TGOLN2: variants seen among roughly 807,000 people sequenced by gnomAD.
TGOLN2 encodes the protein trans-golgi network protein 2.
TGOLN2 carries 19 observed loss-of-function variants against 31.3 expected under a neutral mutation model. The ratio of observed to expected loss-of-function variants is 0.61; its 90% confidence interval spans 0.42 to 0.89. The LOEUF is 0.89. TGOLN2 is among the 40% of genes least tolerant of loss of function. TGOLN2 has a pLI of 0.00. For synonymous variants in TGOLN2, 222 were observed against 226.7 expected (o/e 0.98, Z 0.19); for missense variants, 540 against 559.2 (o/e 0.97, Z 0.35).
chr2:85,324,561 G>C (rs1013074698), intron 3 of TGOLN2: 3 of 405,276 alleles, frequency 7.4e-6, no homozygotes, highest in African/African-American at 6.1e-5. Context: ...AGAAAGCTCA[G>C]GACTGGGAGA....
At chr2:85,323,662 C>T (rs763826162) in intron 3 of TGOLN2, among the ~76,000 whole-genome samples, 1 of 152,244 alleles carries the variant, frequency 6.6e-6, no homozygotes, top group Non-Finnish European at 1.5e-5. Context: ...AGCTAGCCTA[C>T]TGGACTAGTT....
Position 85,326,866 on chromosome 2 carries a change from A to T in TGOLN2, c.866T>A (p.Leu289His). The part of the protein sequence containing the change: ...DTNQLADKGK[L>H]SPHAFKTESG... ...TTCGGTTTTGAAAGCATGAGGAGAA[A>T]GCTTCCCTTTGTCAGCAAGCTGGTT... Residue 289 changes from leucine to histidine, a missense_variant, in exon 2 of 4, where the codon CTT (leucine) becomes CAT (histidine). Physicochemically the swap from Leu to His is moderately conservative, Grantham distance 99. Transcript: ENST00000377386. 4 of 1,614,020 alleles carry T rather than the reference A, an allele frequency of 2.5e-6. No homozygotes were observed. The highest frequency in any genetic ancestry group is 3.4e-6 in the Non-Finnish European group (4 of 1,179,896).
chr2:85,326,882 C>T lies in TGOLN2; in HGVS notation c.850G>A (p.Ala284Thr). The T allele has an allele frequency of 6.2e-7, 1 of 1,614,044 alleles. No homozygotes were observed. Among genetic ancestry groups the T allele is most frequent in the South Asian group, 1.1e-5 (1 of 91,090 alleles). The change falls in exon 2 of 4, where the codon GCT becomes ACT. Residue 284 changes from alanine (A) to threonine (T), a missense_variant. Coordinates refer to ENST00000377386, the MANE Select transcript of TGOLN2 (RefSeq NM_006464.4). ...TGAGGAGAAAGCTTCCCTTTGTCAG[C>T]AAGCTGGTTTGTGTCAGCCTTGGGG... ...ELPKADTNQL[A>T]DKGKLSPHAF...
intron 2 of TGOLN2, among the ~76,000 whole-genome samples, chr2:85,325,409 CTTT>C (rs1682696247): frequency 6.6e-6 from 1 of 152,178 alleles, no homozygotes; most frequent in Admixed American, 6.5e-5. Context: ...CAACTACATT[CTTT>C]ATCAATCTCA....
Position 85,327,670 on chromosome 2 carries a change from A to G in TGOLN2, c.62T>C (p.Leu21Ser). 6.2e-7 allele frequency: 1 copy of G among 1,612,282 alleles called. No homozygotes were observed. Residue 21 changes from leucine (L) to serine (S), a missense_variant, in exon 2 of 4, where the codon TTG becomes TCG. By Grantham distance (145) the Leu-to-Ser change is moderately radical. Transcript: ENST00000377386. ...TTCTTGCTTGACGCTTTCGGTGGCC[A>G]AGAGCGGCACGGCTCCTGAAATAGA... ...NVAAAGAVPL[L>S]ATESVKQEEA...
At position 85,321,134 on chromosome 2, in the gene TGOLN2, A is replaced by C. The variant is rs1043904909; in HGVS notation, c.*1602T>G. 8 of 152,496 alleles carry C rather than the reference A, an allele frequency of 5.2e-5. No homozygotes were observed. Among genetic ancestry groups the C allele is most frequent in the African/African-American group, 1.7e-4 (7 of 41,448 alleles). The allele number at this position is 152,496 out of a possible 1,614,324, so 9.4% of individuals were successfully genotyped here. On this transcript the variant is annotated 3_prime_UTR_variant, in exon 4 of 4. Transcript: ENST00000377386. ...GAGGAGGGGAAAGGAAGGGAAAAGGAAGGCAGGCAGGGAGAGAGACGTGAA... is the reference window on the plus strand; with the variant it reads ...GAGGAGGGGAAAGGAAGGGAAAAGGCAGGCAGGCAGGGAGAGAGACGTGAA...
At position 85,327,233 on chromosome 2, in the gene TGOLN2, T is replaced by G. The variant is rs761439543; in HGVS notation, c.499A>C (p.Lys167Gln). Residue 167 changes from lysine (K) to glutamine (Q), a missense_variant, in exon 2 of 4, where the codon AAG (lysine) becomes CAG (glutamine). Physicochemically the swap from Lys to Gln is moderately conservative, Grantham distance 53. Transcript: ENST00000377386. ...EAKTQKDSPS[K>Q]SGSEAQTTKD... is the part of the protein sequence containing the mutation. The stretch of plus-strand genomic sequence containing the variant: ...GTGGTCTGCGCCTCCGAACCTGACT[T>G]GCTAGGGCTGTCTTTTTGGGTCTTT... The G allele has an allele frequency of 6.2e-7, 1 of 1,613,752 alleles. No individual in the cohort carries two copies. The highest frequency in any genetic ancestry group is 8.5e-7 in the Non-Finnish European group (1 of 1,179,820).
rs1682454528 is a variant in TGOLN2 at position 85,318,836 on chromosome 2, G to GA, written c.*3899dup. Reference sequence around the variant, plus strand: ...TGGCCTTCAACTTCCCCTGAGTCCAGAAGTAGACTCTTTCAGCAACTCTAT... The same window carrying GA: ...TGGCCTTCAACTTCCCCTGAGTCCAGAAAGTAGACTCTTTCAGCAACTCTAT... On this transcript the variant is annotated 3_prime_UTR_variant, in exon 4 of 4. Coordinates refer to ENST00000377386, the MANE Select transcript of TGOLN2 (RefSeq NM_006464.4). 6.6e-6 allele frequency: 1 copy of GA among 152,170 alleles called. No homozygotes were observed. Among genetic ancestry groups the GA allele is most frequent in the East Asian group, 1.9e-4 (1 of 5,190 alleles). 9.4% of individuals were successfully genotyped at this position (152,170 alleles called of 1,614,324 possible). A position where few individuals can be genotyped will look rare whatever the true frequency, so the allele number is the denominator to read the frequency against.
chr2:85,324,598 T>A, intron 3 of TGOLN2: 1 of 443,790 alleles, frequency 2.3e-6, no homozygotes, highest in Non-Finnish European at 4.0e-6. Context: ...AGGTCCTGAG[T>A]TTGCCACTAA....
Position 85,327,357 on chromosome 2 carries a change from C to T in TGOLN2, c.375G>A (p.Lys125=). 1 of 1,612,174 alleles carries T rather than the reference C, an allele frequency of 6.2e-7. No homozygotes were observed. The highest frequency in any genetic ancestry group is 1.7e-4 in the Middle Eastern group (1 of 6,058). ...TTGGAGTCTGCAGCTCCGGATGCGACTTACTAGTGCTGTCTTTTGTGGTCT... is the reference window on the plus strand; with the variant it reads ...TTGGAGTCTGCAGCTCCGGATGCGATTTACTAGTGCTGTCTTTTGTGGTCT... The part of the protein sequence containing the change: ...EAQTTKDSTS[K]SHPELQTPKD... The change falls in exon 2 of 4, where the codon AAG becomes AAA. Residue 125 remains lysine, a synonymous_variant. Transcript: ENST00000377386.
Position 85,320,079 on chromosome 2 carries a change from A to C in TGOLN2, c.*2657T>G, listed in dbSNP as rs1682497874. 1.3e-5 allele frequency: 2 copies of C among 152,436 alleles called. No individual in the cohort carries two copies. The highest frequency in any genetic ancestry group is 2.9e-5 in the Non-Finnish European group (2 of 68,214). 9.4% of individuals were successfully genotyped at this position (152,436 alleles called of 1,614,324 possible). ...GGGAGAGAAACCTAACCAAAGAAAC[A>C]TGGGAAGCTGGAAAGTCGAGGGCAC... On this transcript the variant is annotated 3_prime_UTR_variant, in exon 4 of 4. Coordinates refer to ENST00000377386, the MANE Select transcript of TGOLN2 (RefSeq NM_006464.4).
In TGOLN2 at chr2:85,322,751, A is replaced by T. The variant is rs3637; in HGVS notation, c.1309-10T>A. On this transcript the variant is annotated splice_polypyrimidine_tract_variant and intron_variant, in intron 3 of 3. Transcript: ENST00000377386. ...TACCATTCTGTTAGGACTTAGGGGA[A>T]AAAAGATCTTTTAGGAGGTGCAGGG... The T allele has an allele frequency of 1.4e-5, 23 of 1,609,836 alleles. No homozygotes were observed. Among genetic ancestry groups the T allele is most frequent in the Admixed American group, 8.5e-5 (5 of 58,708 alleles).
rs1682587599 is a variant in TGOLN2, at chr2:85,322,655, G to A, written c.*81C>T. 3 of 1,600,186 alleles carry A rather than the reference G, an allele frequency of 1.9e-6. No homozygotes were observed. The highest frequency in any genetic ancestry group is 1.3e-5 in the African/African-American group (1 of 74,336). On this transcript the variant is annotated 3_prime_UTR_variant, in exon 4 of 4. Coordinates refer to ENST00000377386, the MANE Select transcript of TGOLN2 (RefSeq NM_006464.4). ...CAGCAGGGAGGACAAGGTTCTCAAG[G>A]ACAAAAAAATCAAAGCTGAAACGAG...
chr2:85,323,559 C>T (rs1055988623), intron 3 of TGOLN2, among the ~76,000 whole-genome samples: 2 of 152,170 alleles, frequency 1.3e-5, no homozygotes, highest in African/African-American at 2.4e-5. Context: ...CAGCAAGACT[C>T]CGTCTCAAAA....
intron 3 of TGOLN2, 55 bp from the exon 4 acceptor site, chr2:85,322,796 CAT>C: frequency 6.3e-7 from 1 of 1,591,068 alleles, no homozygotes; most frequent in African/African-American, 1.4e-5. Flanking sequence ...AGAATTAAGA[CAT>C]ACTGACCCAC....
In TGOLN2 at chr2:85,320,370, C is replaced by T. The variant is rs1682506345; in HGVS notation, c.*2366G>A. On this transcript the variant is annotated 3_prime_UTR_variant, in exon 4 of 4. Coordinates refer to ENST00000377386, the MANE Select transcript of TGOLN2 (RefSeq NM_006464.4). ...AATGTGGATCTGAAAAAACAAAATC[C>T]AAGAGAGAAGCAAAATGGGCTGGGG... is the stretch of plus-strand genomic sequence containing the variant. 1 of 151,786 alleles carries T rather than the reference C, an allele frequency of 6.6e-6. No homozygotes were observed. Among genetic ancestry groups the T allele is most frequent in the South Asian group, 2.1e-4 (1 of 4,812 alleles). 9.4% of individuals were successfully genotyped at this position (151,786 alleles called of 1,614,324 possible). A position where few individuals can be genotyped will look rare whatever the true frequency, so the allele number is the denominator to read the frequency against.
At chr2:85,324,853 G>A (rs1682676607) in intron 3 of TGOLN2, 62 bp downstream of exon 3, 1 of 1,432,244 alleles carries the variant, frequency 7.0e-7, no homozygotes, top group Admixed American at 2.0e-5. Context: ...CCCACTACTG[G>A]GTCCATCTGA....
chr2:85,327,560 G>C lies in TGOLN2; in HGVS notation c.172C>G (p.Pro58Ala). 1.2e-6 allele frequency: 2 copies of C among 1,614,066 alleles called. No homozygotes were observed. The highest frequency in any genetic ancestry group is 1.3e-5 in the African/African-American group (1 of 75,058). Residue 58 changes from proline (P) to alanine (A), a missense_variant, in exon 2 of 4, where the codon CCG becomes GCG. Transcript: ENST00000377386. ...CTGTCTTTTGGAGTCTGCGGCTCCGGATGCGACTTGGTAGAGCCTCCAGGC... is the reference window on the plus strand; with the variant it reads ...CTGTCTTTTGGAGTCTGCGGCTCCGCATGCGACTTGGTAGAGCCTCCAGGC... ...QRPGGSTKSH[P>A]EPQTPKDSPS...
chr2:85,319,111 GA>G lies in TGOLN2; in HGVS notation c.*3624del, dbSNP rs2104403427. On this transcript the variant is annotated 3_prime_UTR_variant, in exon 4 of 4. Coordinates refer to ENST00000377386, the MANE Select transcript of TGOLN2 (RefSeq NM_006464.4). ...AACATGCTTCAAATATTCTATCTTT[GA>G]AAAGACACCATGCAGAAAATAAGCT... is the stretch of plus-strand genomic sequence containing the variant. The G allele has an allele frequency of 6.6e-6, 1 of 151,700 alleles. No homozygotes were observed. Among genetic ancestry groups the G allele is most frequent in the East Asian group, 1.9e-4 (1 of 5,148 alleles). 9.4% of individuals were successfully genotyped at this position (151,700 alleles called of 1,614,324 possible). A position where few individuals can be genotyped will look rare whatever the true frequency, so the allele number is the denominator to read the frequency against.
Sources: allele counts gnomAD v4.1 joint callset (sites outside exome capture counted in the v4.1 genomes callset), GRCh38; gene constraint gnomAD v4.1.1; transcripts MANE v1.5; gene names NCBI Gene and HGNC (gene_info 2026-07-23, HGNC 2026-07-21).